Variants in MAOB observed in about 807,000 individuals in gnomAD.
The protein encoded by MAOB is amine oxidase [flavin-containing] B.
Under a neutral mutation model 41.9 loss-of-function variants are expected in MAOB, and 15 were observed. The observed-to-expected ratio is 0.36, with a 90% confidence interval of 0.24 to 0.55. The LOEUF (loss-of-function observed/expected upper bound fraction) is 0.55. MAOB is among the 20% of genes least tolerant of loss of function. The pLI is 0.86. For missense variants in MAOB, 345 were observed against 398.7 expected, an observed-to-expected ratio of 0.87 and a Z score of 1.15; for synonymous variants, 167 against 144.2, an observed-to-expected ratio of 1.16 and a Z score of -1.13.
intron 1 of MAOB, among the ~76,000 whole-genome samples, chrX:43,862,334 C>T (rs564922571): frequency 9.0e-6 from 1 of 111,397 alleles, no homozygotes; most frequent in Middle Eastern, 4.6e-3. Context: ...TTACTATGTC[C>T]CTCTGTTATC....
intron 3 of MAOB, among the ~76,000 whole-genome samples, chrX:43,818,201 C>T (rs2034841841): frequency 8.9e-6 from 1 of 112,220 alleles, no homozygotes; most frequent in Non-Finnish European, 1.9e-5. Context: ...GTCAGAATTT[C>T]ATTCCTTTTT....
chrX:43,848,204 A>C (rs758264736), intron 1 of MAOB, among the ~76,000 whole-genome samples: 86 of 111,958 alleles, frequency 7.7e-4, no homozygotes, highest in Middle Eastern at 4.6e-3. Context: ...TCTTAAGGGC[A>C]GTTAGAGGAG....
intron 1 of MAOB, among the ~76,000 whole-genome samples, chrX:43,881,577 G>A (rs1402971466): frequency 8.9e-6 from 1 of 112,245 alleles, no homozygotes; most frequent in African/African-American, 3.2e-5. Context: ...TGAGGGGGTA[G>A]TGTCTGTCCC....
intron 9 of MAOB, among the ~76,000 whole-genome samples, chrX:43,781,219 T>C (rs753103748): frequency 1.1e-3 from 119 of 111,802 alleles, no homozygotes; most frequent in African/African-American, 3.7e-3. Flanking sequence ...AAAACTAACA[T>C]AAAAATTTTA....
chrX:43,866,229 G>A (rs193129973), intron 1 of MAOB, among the ~76,000 whole-genome samples: 1 of 111,541 alleles, frequency 9.0e-6, no homozygotes, highest in Non-Finnish European at 1.9e-5. Context: ...AAATACACCA[G>A]GCTGTTAACA....
chrX:43,805,212 C>T lies in MAOB; in HGVS notation c.280-1808G>A, dbSNP rs73212718. On this transcript the variant is annotated intron_variant, in intron 3 of 14. Transcript: ENST00000378069. ...CTTAGCAATTTTCAAGACTACAATACATTGTTTTTAACTATAGTTACCATG... is the reference window on the plus strand; with the variant it reads ...CTTAGCAATTTTCAAGACTACAATATATTGTTTTTAACTATAGTTACCATG... Among the ~76,000 whole-genome samples the T allele has an allele frequency of 5.4e-3, 604 of 111,624 alleles. 1 individual carries two copies. Among genetic ancestry groups the T allele is most frequent in the Non-Finnish European group, 9.0e-3 (476 of 53,110 alleles).
rs1555956523 is a variant in MAOB at position 43,781,481 on chromosome X, G to T, written c.992C>A (p.Thr331Asn). Residue 331 changes from threonine (T) to asparagine (N), a missense_variant, in exon 9 of 15, where the codon ACC becomes AAC. Coordinates refer to ENST00000378069, the MANE Select transcript of MAOB (RefSeq NM_000898.5). ...GGCAGCATAGTTGCCTTCAGGTTTGGTATCATCCAACGTGTAGGCAACTGG... is the reference window on the plus strand; with the variant it reads ...GGCAGCATAGTTGCCTTCAGGTTTGTTATCATCCAACGTGTAGGCAACTGG... ...EAPVAYTLDDTKPEGNYAAIM... is the reference protein window; with the variant it reads ...EAPVAYTLDDNKPEGNYAAIM... The T allele has an allele frequency of 1.7e-6, 2 of 1,200,342 alleles. No individual in the cohort carries two copies. Among genetic ancestry groups the T allele is most frequent in the Non-Finnish European group, 2.2e-6 (2 of 889,076 alleles).
chrX:43,858,974 T>C (rs780008134), intron 1 of MAOB, among the ~76,000 whole-genome samples: 3 of 111,394 alleles, frequency 2.7e-5, no homozygotes, highest in Non-Finnish European at 5.7e-5. Flanking sequence ...CTTCATTAGG[T>C]TCAATCCCTT....
Position 43,795,744 on chromosome X carries a change from A to G in MAOB, c.763T>C (p.Tyr255His), listed in dbSNP as rs749617681. 5.0e-6 allele frequency: 6 copies of G among 1,198,147 alleles called. No individual in the cohort carries two copies. Among genetic ancestry groups the G allele is most frequent in the Non-Finnish European group, 2.3e-6 (2 of 885,576 alleles). The change falls in exon 7 of 15, where the codon TAT (tyrosine) becomes CAT (histidine). Residue 255 changes from tyrosine (Y) to histidine (H), a missense_variant. Coordinates refer to ENST00000378069, the MANE Select transcript of MAOB (RefSeq NM_000898.5). ...TTTCACAATATCACAGTTACCTCATACATCTCATGGTTTAGGGTCTCCACA... is the reference window on the plus strand; with the variant it reads ...TTTCACAATATCACAGTTACCTCATGCATCTCATGGTTTAGGGTCTCCACA... ...VLVETLNHEMYEAKYVISAIP... is the reference protein window; with the variant it reads ...VLVETLNHEMHEAKYVISAIP...
At chrX:43,802,133 T>G in intron 5 of MAOB, 39 bp downstream of exon 5, 1 of 1,063,027 alleles carries the variant, frequency 9.4e-7, no homozygotes. Flanking sequence ...ACCTAAAAGG[T>G]GGTCACAGTA....
chrX:43,845,872 A>T (rs780865546), intron 1 of MAOB, among the ~76,000 whole-genome samples: 1 of 111,931 alleles, frequency 8.9e-6, no homozygotes, highest in South Asian at 3.7e-4. Context: ...AGAGAGGCTG[A>T]TTTGACATTT....
intron 3 of MAOB, among the ~76,000 whole-genome samples, chrX:43,835,719 G>A (rs182451639): frequency 1.7e-3 from 190 of 111,613 alleles, no homozygotes; most frequent in African/African-American, 5.8e-3. Flanking sequence ...ACATTTCTAT[G>A]ACAACTACCA....
intron 5 of MAOB, among the ~76,000 whole-genome samples, chrX:43,798,691 C>T (rs1227731639): frequency 8.9e-6 from 1 of 111,747 alleles, no homozygotes; most frequent in Non-Finnish European, 1.9e-5. Context: ...TTGACTTTGA[C>T]ATGAAGTTTG....
At chrX:43,858,971 A>G (rs2035315313) in intron 1 of MAOB, among the ~76,000 whole-genome samples, 1 of 111,681 alleles carries the variant, frequency 9.0e-6, no homozygotes, top group Non-Finnish European at 1.9e-5. Context: ...TACCTTCATT[A>G]GGTTCAATCC....
chrX:43,857,162 GAGAAGA>G (rs2035302863), intron 1 of MAOB, among the ~76,000 whole-genome samples: 1 of 53,874 alleles, frequency 1.9e-5, no homozygotes, highest in African/African-American at 8.1e-5. Flanking sequence ...GAGAGAGAGA[GAGAAGA>G]AGAGAGAGAG....
At chrX:43,821,680 C>T (rs1428409977) in intron 3 of MAOB, among the ~76,000 whole-genome samples, 5 of 111,506 alleles carry the variant, frequency 4.5e-5, no homozygotes, top group African/African-American at 1.3e-4. Flanking sequence ...TTATTATCCT[C>T]AGATTATTAG....
intron 1 of MAOB, among the ~76,000 whole-genome samples, chrX:43,845,082 G>T (rs1242535865): frequency 8.9e-6 from 1 of 112,060 alleles, no homozygotes; most frequent in Non-Finnish European, 1.9e-5. Flanking sequence ...TATAAAGTTT[G>T]GGGTACTAAT....
chrX:43,836,872 A>G (rs1195818495), intron 3 of MAOB, among the ~76,000 whole-genome samples: 1 of 112,565 alleles, frequency 8.9e-6, no homozygotes, highest in East Asian at 2.8e-4. Flanking sequence ...AACTACTTGT[A>G]TTTTCCTAAC....
intron 3 of MAOB, among the ~76,000 whole-genome samples, chrX:43,814,806 G>T: frequency 8.9e-6 from 1 of 112,093 alleles, no homozygotes; most frequent in Non-Finnish European, 1.9e-5. Flanking sequence ...AAAATAAGAA[G>T]AATTCTTCAG....
Sources: gnomAD v4.1 joint callset for allele counts (sites outside exome capture counted in the v4.1 genomes callset) on GRCh38, gnomAD v4.1.1 for gene constraint, MANE v1.5 for transcripts, NCBI Gene and HGNC (gene_info 2026-07-23, HGNC 2026-07-21) for gene names.